The following CHODL variants were observed in gnomAD, a reference collection of about 807,000 sequenced individuals.
The protein encoded by CHODL is transmembrane protein MT75.
A neutral mutation model predicts 34.5 loss-of-function variants in CHODL; 29 were observed. The ratio of observed to expected loss-of-function variants is 0.84; its 90% CI spans 0.63 to 1.15. The LOEUF (loss-of-function observed/expected upper bound fraction) is 1.15. CHODL is among the 50% of genes most tolerant of loss of function. The probability of loss-of-function intolerance (pLI) is 0.00; values close to 1 mark genes in which losing one functional copy is unlikely to be tolerated. For synonymous variants in CHODL, 125 were observed against 116.1 expected (o/e 1.08, Z -0.49); for missense variants, 332 against 332.5 (o/e 1.00, Z 0.01).
chr21:18,206,485 A>C (rs1157383047), intron 2 of CHODL, among the ~76,000 whole-genome samples: 1 of 151,796 alleles, frequency 6.6e-6, no homozygotes, highest in Non-Finnish European at 1.5e-5. Flanking sequence ...CACTTGTGTG[A>C]AATACCTTTT....
intron 2 of CHODL, among the ~76,000 whole-genome samples, chr21:18,193,114 C>G (rs1224146986): frequency 6.6e-6 from 1 of 151,920 alleles, no homozygotes; most frequent in African/African-American, 2.4e-5. Context: ...TTTTCTTTGG[C>G]TAAATACTGA....
intron 1 of CHODL, chr21:18,245,735 G>A (rs2146780776): frequency 1.6e-6 from 1 of 607,272 alleles, no homozygotes; most frequent in Non-Finnish European, 2.9e-6. Context: ...TCCCAGCACC[G>A]TGTTCACTCG....
At chr21:18,122,546 C>T (rs1268356238) in intron 2 of CHODL, among the ~76,000 whole-genome samples, 1 of 118,944 alleles carries the variant, frequency 8.4e-6, no homozygotes, top group East Asian at 4.6e-4. Flanking sequence ...TATTTCTGCT[C>T]AATTTTTTTT....
intron 2 of CHODL, among the ~76,000 whole-genome samples, chr21:18,154,623 C>A (rs993934630): frequency 6.6e-6 from 1 of 152,072 alleles, no homozygotes; most frequent in East Asian, 1.9e-4. Context: ...TTCCATCTGC[C>A]GTCCTAAATT....
intron 2 of CHODL, among the ~76,000 whole-genome samples, chr21:18,176,262 G>T (rs2073310272): frequency 6.6e-6 from 1 of 151,770 alleles, no homozygotes; most frequent in South Asian, 2.1e-4. Context: ...AATCTGGAGA[G>T]TGTGAGGTCA....
chr21:18,172,937 CAGTTTACTGGCAGAATTT>C (rs1361239496), intron 2 of CHODL, among the ~76,000 whole-genome samples: 11 of 152,158 alleles, frequency 7.2e-5, no homozygotes, highest in Non-Finnish European at 1.6e-4. Flanking sequence ...CAAGCCCATT[CAGTTTACTGGCAGAATTT>C]AGTTTACTGG....
intron 2 of CHODL, among the ~76,000 whole-genome samples, chr21:18,231,053 C>T (rs538993572): frequency 6.6e-6 from 1 of 152,084 alleles, no homozygotes; most frequent in African/African-American, 2.4e-5. Flanking sequence ...GGCGGAACAC[C>T]TTAAGGACAA....
intron 1 of CHODL, among the ~76,000 whole-genome samples, chr21:17,926,710 C>G (rs188678732): frequency 6.6e-6 from 1 of 152,064 alleles, no homozygotes; most frequent in African/African-American, 2.4e-5. Context: ...GCCCTTGACA[C>G]GTGGATTATA....
At position 17,985,180 on chromosome 21, in the gene CHODL, G is replaced by T. The variant is rs375174662; in HGVS notation, c.-144-42692G>T. Among the ~76,000 whole-genome samples, 26 of 152,228 alleles carry T rather than the reference G, an allele frequency of 1.7e-4. No homozygotes were observed. In the East Asian group the frequency reaches 3.7e-3, roughly 21 times the overall value. On this transcript the variant is annotated intron_variant, in intron 1 of 6. Transcript: ENST00000400127. ...ATAGATACTTCCTGTCCAGAAACAT[G>T]GATATTACTATATTTTTTCAACTCT...
At chr21:17,960,915 CTG>C (rs769315533) in intron 1 of CHODL, among the ~76,000 whole-genome samples, 15 of 152,182 alleles carry the variant, frequency 9.9e-5, no homozygotes, top group Non-Finnish European at 2.2e-4. Context: ...GTACTCTCTG[CTG>C]TGTTTACTTC....
chr21:17,973,793 A>C (rs2063638428), intron 1 of CHODL, among the ~76,000 whole-genome samples: 1 of 150,044 alleles, frequency 6.7e-6, no homozygotes, highest in Non-Finnish European at 1.5e-5. Context: ...TTAGGTTACT[A>C]TCTTTCAGGA....
intron 1 of CHODL, among the ~76,000 whole-genome samples, chr21:18,251,900 C>T (rs2074261313): frequency 6.6e-6 from 1 of 150,902 alleles, no homozygotes; most frequent in Admixed American, 6.6e-5. Context: ...TGTAATAAAC[C>T]TGCACATCCT....
At chr21:18,209,517 C>T (rs1292952030) in intron 2 of CHODL, among the ~76,000 whole-genome samples, 1 of 152,122 alleles carries the variant, frequency 6.6e-6, no homozygotes, top group Non-Finnish European at 1.5e-5. Context: ...GTGCTTTACC[C>T]CACGTGGCTG....
intron 1 of CHODL, among the ~76,000 whole-genome samples, chr21:17,923,990 C>G (rs759006227): frequency 6.6e-6 from 1 of 152,274 alleles, no homozygotes; most frequent in East Asian, 1.9e-4. Flanking sequence ...CTTCCCCTCT[C>G]CCTTTCTTTG....
intron 1 of CHODL, among the ~76,000 whole-genome samples, chr21:18,249,061 A>T (rs1243903735): frequency 8.1e-6 from 1 of 123,274 alleles, no homozygotes; most frequent in Non-Finnish European, 1.6e-5. Flanking sequence ...ATTATATATA[A>T]TTTACTATAT....
intron 2 of CHODL, among the ~76,000 whole-genome samples, chr21:18,091,672 G>C (rs1032871589): frequency 9.2e-5 from 14 of 152,160 alleles, no homozygotes; most frequent in African/African-American, 3.4e-4. Context: ...TTCAGGCCTA[G>C]ACTCGTGGAC....
chr21:17,975,850 C>T (rs889692871), intron 1 of CHODL, among the ~76,000 whole-genome samples: 8 of 152,082 alleles, frequency 5.3e-5, no homozygotes, highest in Non-Finnish European at 8.8e-5. Context: ...ATACAAGGAC[C>T]ACAAGGGCCC....
At chr21:17,950,149 AAGAAAT>A (rs1477947065) in intron 1 of CHODL, among the ~76,000 whole-genome samples, 1 of 152,156 alleles carries the variant, frequency 6.6e-6, no homozygotes, top group East Asian at 1.9e-4. Context: ...AAGCTATGAG[AAGAAAT>A]AGACCAGTTT....
At chr21:18,072,499 T>C (rs1251522698) in intron 2 of CHODL, among the ~76,000 whole-genome samples, 1 of 152,186 alleles carries the variant, frequency 6.6e-6, no homozygotes, top group East Asian at 1.9e-4. Flanking sequence ...GAGAAGACTC[T>C]AGTTAAAATA....
Sources: gnomAD v4.1 joint callset for allele counts (sites outside exome capture counted in the v4.1 genomes callset) on GRCh38, gnomAD v4.1.1 for gene constraint, MANE v1.5 for transcripts, NCBI Gene and HGNC (gene_info 2026-07-23, HGNC 2026-07-21) for gene names.